The following SLC7A9 variants were observed in gnomAD, a reference collection of about 807,000 sequenced individuals.
SLC7A9 encodes solute carrier family 7 member 9, also known as B(0,+)-type amino acid transporter 1.
Under a neutral mutation model 54.1 loss-of-function variants are expected in SLC7A9, and 38 were observed. The ratio of observed to expected loss-of-function variants is 0.70; its 90% CI spans 0.54 to 0.92. SLC7A9 has a LOEUF of 0.92. SLC7A9 is among the 40% of genes least tolerant of loss of function. SLC7A9 has a pLI of 0.00. For missense variants in SLC7A9, 537 were observed against 636.1 expected, an observed-to-expected ratio of 0.84 and a Z score of 1.68; for synonymous variants, 264 against 258.9, an observed-to-expected ratio of 1.02 and a Z score of -0.19.
Position 32,830,622 on chromosome 19 carries a change from A to C in SLC7A9, c.1462T>G (p.Ter488GluextTer?). The change falls in exon 13 of 13, where the codon TAA becomes GAA. Residue 488 changes from the stop codon to glutamate, a stop_lost. Coordinates refer to ENST00000023064, the MANE Select transcript of SLC7A9 (RefSeq NM_014270.5). ...TTGGCTACAAGAGACGGAGCTTGTT[A>C]CTCAGGGTCTTCCTCCGGTGGGACC... The part of the protein sequence containing the change: ...EVVPPEEDPE[*>E] 1 of 1,612,616 alleles carries C rather than the reference A, an allele frequency of 6.2e-7. No individual in the cohort carries two copies. The highest frequency in any genetic ancestry group is 8.5e-7 in the Non-Finnish European group (1 of 1,178,594).
Position 32,864,666 on chromosome 19 carries a change from G to A in SLC7A9, c.198C>T (p.Leu66=). 2.5e-6 allele frequency: 4 copies of A among 1,614,120 alleles called. No homozygotes were observed. The East Asian group carries it at 8.9e-5, about 36-fold the overall frequency. Residue 66 remains leucine, a synonymous_variant, in exon 3 of 13, where the codon CTC becomes CTT. Coordinates refer to ENST00000023064, the MANE Select transcript of SLC7A9 (RefSeq NM_014270.5). ...GGACCCCGCAAGCCGCCCATATGAT[G>A]AGGCAGGGCCCCACAGCTTCCGTGT... is the stretch of plus-strand genomic sequence containing the variant. ...LSNTEAVGPC[L]IIWAACGVLA... is the part of the protein sequence containing the mutation.
intron 2 of SLC7A9, among the ~76,000 whole-genome samples, chr19:32,866,495 A>T (rs1968975813): frequency 6.6e-6 from 1 of 151,794 alleles, no homozygotes; most frequent in African/African-American, 2.4e-5. Context: ...CGCGATCATG[A>T]CTCACTGCAG....
chr19:32,848,415 C>A (rs61705453), intron 9 of SLC7A9, among the ~76,000 whole-genome samples: 24,800 of 151,752 alleles, frequency 0.16, 2,405 homozygotes, highest in East Asian at 0.51. Flanking sequence ...GACTTTAAAC[C>A]AACAAAGATC....
At chr19:32,851,915 G>A (rs1427654568) in intron 9 of SLC7A9, among the ~76,000 whole-genome samples, 1 of 151,774 alleles carries the variant, frequency 6.6e-6, no homozygotes, top group Non-Finnish European at 1.5e-5. Flanking sequence ...GCAAACTATT[G>A]CAAGGACAAA....
intron 9 of SLC7A9, among the ~76,000 whole-genome samples, chr19:32,855,203 G>A (rs2145831470): frequency 6.6e-6 from 1 of 152,316 alleles, no homozygotes; most frequent in South Asian, 2.1e-4. Flanking sequence ...GACACAGAAA[G>A]ACAAATATCC....
intron 8 of SLC7A9, 81 bp from the exon 9 acceptor site, chr19:32,858,624 C>T (rs1968699810): frequency 9.5e-7 from 1 of 1,048,034 alleles, no homozygotes. Context: ...ATTCTGGCCT[C>T]CCAGGGGACC....
At chr19:32,860,509 G>A in intron 7 of SLC7A9, 97 bp downstream of exon 7, 1 of 1,598,322 alleles carries the variant, frequency 6.3e-7, no homozygotes, top group Non-Finnish European at 8.5e-7. Context: ...GTCGGGAAGG[G>A]CATCATGGAA....
At chr19:32,858,397 G>T in intron 9 of SLC7A9, 43 bp downstream of exon 9, 1 of 1,400,120 alleles carries the variant, frequency 7.1e-7, no homozygotes. Context: ...TATTGCTTTC[G>T]CCGCCCCTGT....
At position 32,862,667 on chromosome 19, in the gene SLC7A9, TA is replaced by T. The variant is rs1481122491; in HGVS notation, c.479-82del. 1.7e-4 allele frequency: 222 copies of T among 1,286,360 alleles called. 1 individual carries two copies. In the African/African-American group the frequency reaches 2.5e-3, roughly 14 times the overall value. The allele number at this position is 1,286,360 out of a possible 1,614,324, so 79.7% of individuals were successfully genotyped here. ...AGTCTCCTTTCTTTTATATATTTTT[TA>T]TTTTTTTTTTTTTTTGAGATGGAGT... On this transcript the variant is annotated intron_variant, in intron 4 of 12. Coordinates refer to ENST00000023064, the MANE Select transcript of SLC7A9 (RefSeq NM_014270.5).
intron 2 of SLC7A9, among the ~76,000 whole-genome samples, chr19:32,865,368 A>C (rs535191748): frequency 1.1e-4 from 17 of 152,308 alleles, no homozygotes; most frequent in African/African-American, 4.1e-4. Context: ...CAGAGGTGAG[A>C]TCATGGCTCA....
chr19:32,853,521 CAG>C (rs1011946505), intron 9 of SLC7A9, among the ~76,000 whole-genome samples: 7 of 151,866 alleles, frequency 4.6e-5, no homozygotes, highest in Non-Finnish European at 7.4e-5. Flanking sequence ...TTTTTTTTAA[CAG>C]TACCATTTAC....
In SLC7A9 at chr19:32,868,507, T is replaced by C; in HGVS notation, c.28A>G (p.Arg10Gly). Residue 10 changes from arginine (R) to glycine (G), a missense_variant, in exon 2 of 13, where the codon AGA (arginine) becomes GGA (glycine). By Grantham distance (125) the Arg-to-Gly change is moderately radical. Transcript: ENST00000023064. ...CTCTGGATCGACTTCTCATCCTCTC[T>C]CCGCTTTCTCAGGCCAGTATCCCCC... is the stretch of plus-strand genomic sequence containing the variant. The part of the protein sequence containing the change: MGDTGLRKR[R>G]EDEKSIQSQE... 3 of 1,614,090 alleles carry C rather than the reference T, an allele frequency of 1.9e-6. No homozygotes were observed. The highest frequency in any genetic ancestry group is 2.2e-5 in the South Asian group (2 of 91,078).
chr19:32,857,359 G>C (rs1968657881), intron 9 of SLC7A9, among the ~76,000 whole-genome samples: 1 of 152,106 alleles, frequency 6.6e-6, no homozygotes, highest in Non-Finnish European at 1.5e-5. Context: ...AGGGAGGATT[G>C]CTTGAGCCCA....
intron 10 of SLC7A9, among the ~76,000 whole-genome samples, chr19:32,843,468 A>C (rs553418987): frequency 1.3e-4 from 20 of 152,092 alleles, no homozygotes; most frequent in Non-Finnish European, 2.1e-4. Context: ...ATCAAAAAAA[A>C]AGTCAAAGGG....
chr19:32,851,885 A>G (rs943802347), intron 9 of SLC7A9, among the ~76,000 whole-genome samples: 40 of 152,216 alleles, frequency 2.6e-4, no homozygotes, highest in African/African-American at 9.1e-4. Context: ...CATGGATGAA[A>G]CTGGAAACCA....
rs978635008 is a variant in SLC7A9, at chr19:32,868,772, C to G, written c.-111-127G>C. ...GTCCAGGCAGGGGAACACAGCTCCC[C>G]GCTGCTCTCCAAAGCTCAGCTGCTT... On this transcript the variant is annotated intron_variant, in intron 1 of 12. Coordinates refer to ENST00000023064, the MANE Select transcript of SLC7A9 (RefSeq NM_014270.5). 13 of 581,814 alleles carry G rather than the reference C, an allele frequency of 2.2e-5. No homozygotes were observed. The African/African-American group carries it at 2.4e-4, about 11-fold the overall frequency. 36.0% of individuals were successfully genotyped at this position (581,814 alleles called of 1,614,324 possible). A position where few individuals can be genotyped will look rare whatever the true frequency, so the allele number is the denominator to read the frequency against.
At chr19:32,845,642 G>T (rs994166694) in intron 9 of SLC7A9, among the ~76,000 whole-genome samples, 2 of 152,090 alleles carry the variant, frequency 1.3e-5, no homozygotes, top group Non-Finnish European at 2.9e-5. Context: ...TATAATTATG[G>T]AATACACATT....
chr19:32,848,831 T>C lies in SLC7A9; in HGVS notation c.978-4880A>G, dbSNP rs536337330. Among the ~76,000 whole-genome samples, 9 of 152,228 alleles carry C rather than the reference T, an allele frequency of 5.9e-5. No individual in the cohort carries two copies. In the South Asian group the frequency reaches 1.9e-3, roughly 32 times the overall value. Reference sequence around the variant, plus strand: ...TAAAAGGACAGAAATTATAACAAACTGTCTCTCAGACCACAGTGCAATCAA... The same window carrying C: ...TAAAAGGACAGAAATTATAACAAACCGTCTCTCAGACCACAGTGCAATCAA... On this transcript the variant is annotated intron_variant, in intron 9 of 12. Coordinates refer to ENST00000023064, the MANE Select transcript of SLC7A9 (RefSeq NM_014270.5).
At position 32,842,211 on chromosome 19, in the gene SLC7A9, A is replaced by G. The variant is rs1294473267; in HGVS notation, c.1181T>C (p.Ile394Thr). Residue 394 changes from isoleucine (I) to threonine (T), a missense_variant, in exon 11 of 13, where the codon ATC (isoleucine) becomes ACC (threonine). By Grantham distance (89) the Ile-to-Thr change is moderately conservative. Transcript: ENST00000023064. ...LFYGLTILGL[I>T]VMRFTRKELE... ...CTCTTTCCTTGTAAATCTCATCACG[A>G]TGAGTCCTAGAATCGTCAGGCCATA... 6.2e-7 allele frequency: 1 copy of G among 1,614,050 alleles called. No homozygotes were observed. The highest frequency in any genetic ancestry group is 8.5e-7 in the Non-Finnish European group (1 of 1,180,038).
Sources: gnomAD v4.1 joint callset for allele counts (sites outside exome capture counted in the v4.1 genomes callset) on GRCh38, gnomAD v4.1.1 for gene constraint, MANE v1.5 for transcripts, NCBI Gene and HGNC (gene_info 2026-07-23, HGNC 2026-07-21) for gene names.